Variants in FAT4 observed in about 807,000 individuals in gnomAD.
FAT4 encodes the protein FAT atypical cadherin 4.
A neutral mutation model predicts 303.9 loss-of-function variants in FAT4; 84 were observed. That is an observed-to-expected ratio of 0.28 (90% CI 0.23 to 0.33). The LOEUF is 0.33. Among genes scored for constraint, FAT4 ranks in the 10% least tolerant of loss-of-function variants. The pLI, the probability that FAT4 is intolerant of heterozygous loss-of-function variation, is 1.00. For synonymous variants in FAT4, 2,307 were observed against 2,298.8 expected (o/e 1.00, Z -0.10); for missense variants, 6,005 against 6,146.8 (o/e 0.98, Z 0.77).
chr4:125,335,985 T>A (rs1002164818), intron 2 of FAT4, among the ~76,000 whole-genome samples: 2 of 152,092 alleles, frequency 1.3e-5, no homozygotes, highest in African/African-American at 4.8e-5. Flanking sequence ...TTACTTCTTG[T>A]GTGGTCCAGA....
Position 125,316,526 on chromosome 4 carries a change from T to A in FAT4, c.115T>A (p.Trp39Arg). The A allele has an allele frequency of 6.2e-7, 1 of 1,613,948 alleles. No individual in the cohort carries two copies. The highest frequency in any genetic ancestry group is 8.5e-7 in the Non-Finnish European group (1 of 1,180,020). ...ACTGTCATTGCTTCCGGGGCAGGCC[T>A]GGGTCCACGGGGCCGAGCCGCGCCA... Reference protein sequence around the residue: ...WLLSLLPGQAWVHGAEPRQVF... With the variant: ...WLLSLLPGQARVHGAEPRQVF... The change falls in exon 2 of 18, where the codon TGG (tryptophan) becomes AGG (arginine). Residue 39 changes from tryptophan to arginine, a missense_variant. Trp to Arg is a moderately radical substitution (Grantham distance 101). Transcript: ENST00000394329. This position sits in a 1 kb window ranked among gnomAD's most constrained non-coding sequence, Gnocchi z 5.7.
At chr4:125,394,583 G>T (rs965317106) in intron 2 of FAT4, among the ~76,000 whole-genome samples, 6 of 152,096 alleles carry the variant, frequency 3.9e-5, no homozygotes, top group African/African-American at 1.4e-4. Flanking sequence ...GAAATAAAAG[G>T]GTTTTAAGAA....
At chr4:125,334,050 C>T (rs1287978770) in intron 2 of FAT4, among the ~76,000 whole-genome samples, 1 of 151,908 alleles carries the variant, frequency 6.6e-6, no homozygotes, top group Non-Finnish European at 1.5e-5. Flanking sequence ...ATGTGGCCCA[C>T]TCATATAACA....
intron 7 of FAT4, among the ~76,000 whole-genome samples, chr4:125,422,546 G>T (rs1724939032): frequency 6.6e-6 from 1 of 152,166 alleles, no homozygotes; most frequent in African/African-American, 2.4e-5. Context: ...CTGCCACCAT[G>T]TGAAGAAAGA....
intron 2 of FAT4, among the ~76,000 whole-genome samples, chr4:125,374,277 C>T (rs1319772063): frequency 6.6e-6 from 1 of 152,104 alleles, no homozygotes; most frequent in African/African-American, 2.4e-5. Context: ...AATGTAAATC[C>T]GTAATCACAT....
chr4:125,485,051 A>T (rs1727360910), intron 16 of FAT4, among the ~76,000 whole-genome samples: 1 of 152,058 alleles, frequency 6.6e-6, no homozygotes. Flanking sequence ...ATGAGGTTTC[A>T]CATGTTGCCT....
chr4:125,414,860 A>AT lies in FAT4; in HGVS notation c.5921-18dup, dbSNP rs535120107. 4.6e-4 allele frequency: 713 copies of AT among 1,537,726 alleles called. 4 individuals are homozygous for AT. The highest frequency in any genetic ancestry group is 2.3e-3 in the South Asian group (190 of 81,978). On this transcript the variant is annotated intron_variant, in intron 5 of 17. Coordinates refer to ENST00000394329, the MANE Select transcript of FAT4 (RefSeq NM_001291303.3). ...CTGCAATCAGCATATGTTTAAGAAA[A>AT]TTTTTTCTTCCCTTTAATTTCAGGC...
chr4:125,452,002 A>G lies in FAT4; in HGVS notation c.10992A>G (p.Pro3664=), dbSNP rs770014810. 9 of 1,613,978 alleles carry G rather than the reference A, an allele frequency of 5.6e-6. No homozygotes were observed. The Admixed American group carries it at 1.3e-4, about 24-fold the overall frequency. ...TSGVTSLFSI[P]GGTCDLNSQP... is the part of the protein sequence containing the mutation. ...GAGTTACCAGCCTCTTCAGTATTCCAGGGGGTACTTGTGATCTGAATTCCC... is the reference window on the plus strand; with the variant it reads ...GAGTTACCAGCCTCTTCAGTATTCCGGGGGGTACTTGTGATCTGAATTCCC... The change falls in exon 10 of 18, where the codon CCA becomes CCG. Residue 3664 remains proline, a synonymous_variant. Coordinates refer to ENST00000394329, the MANE Select transcript of FAT4 (RefSeq NM_001291303.3).
In FAT4 at chr4:125,317,964, A is replaced by G. The variant is rs1730710235; in HGVS notation, c.1553A>G (p.Asn518Ser). 6.2e-7 allele frequency: 1 copy of G among 1,614,098 alleles called. No individual in the cohort carries two copies. Among genetic ancestry groups the G allele is most frequent in the Non-Finnish European group, 8.5e-7 (1 of 1,180,022 alleles). ...ANLRYSIVSG[N>S]GLGWFHISEH... ...CTGCGTTACAGCATTGTCTCTGGCA[A>G]TGGACTGGGATGGTTCCATATCAGT... The change falls in exon 2 of 18, where the codon AAT becomes AGT. Residue 518 changes from asparagine (N) to serine (S), a missense_variant. Asn to Ser is a conservative substitution (Grantham distance 46). Coordinates refer to ENST00000394329, the MANE Select transcript of FAT4 (RefSeq NM_001291303.3). The surrounding 1 kb of genome is among the most constrained non-coding windows in gnomAD (Gnocchi z 7.0).
chr4:125,338,053 CA>C (rs1467411411), intron 2 of FAT4, among the ~76,000 whole-genome samples: 3 of 152,148 alleles, frequency 2.0e-5, no homozygotes, highest in Non-Finnish European at 4.4e-5. Context: ...TGTCATTCAT[CA>C]GACAAGATTG....
chr4:125,428,998 C>T (rs1013036553), intron 7 of FAT4, among the ~76,000 whole-genome samples: 7 of 152,286 alleles, frequency 4.6e-5, no homozygotes, highest in Non-Finnish European at 8.8e-5. Flanking sequence ...TGCCCTATTA[C>T]ACCACTACCT....
intron 2 of FAT4, among the ~76,000 whole-genome samples, chr4:125,376,443 C>T (rs1205326009): frequency 6.6e-6 from 1 of 151,984 alleles, no homozygotes; most frequent in Non-Finnish European, 1.5e-5. Context: ...TGACCGGGGC[C>T]TGTCGTGGGG....
chr4:125,449,546 C>T lies in FAT4; in HGVS notation c.8536C>T (p.Arg2846Ter). The T allele has an allele frequency of 6.2e-7, 1 of 1,613,320 alleles. No individual in the cohort carries two copies. The highest frequency in any genetic ancestry group is 8.5e-7 in the Non-Finnish European group (1 of 1,179,498). Residue 2846 changes from arginine to a stop codon, truncating the protein, a stop_gained, in exon 10 of 18, where the codon CGA (arginine) becomes TGA (stop). Transcript: ENST00000394329. LOFTEE classifies it high-confidence loss of function. Reference sequence around the variant, plus strand: ...GGAAGATACAGACCGTTACAGAATTCGAGTTTCCGCACATGATTCTGGGTG... The same window carrying T: ...GGAAGATACAGACCGTTACAGAATTTGAGTTTCCGCACATGATTCTGGGTG... The part of the protein sequence containing the change: ...NREDTDRYRI[R>*]VSAHDSGWTV...
At chr4:125,354,765 A>AAAC (rs1553962437) in intron 2 of FAT4, among the ~76,000 whole-genome samples, 1 of 151,496 alleles carries the variant, frequency 6.6e-6, no homozygotes, top group East Asian at 1.9e-4. Flanking sequence ...AAAAAAAAAA[A>AAAC]AAACTGGTTA....
In FAT4 at chr4:125,380,983, A is replaced by G. The variant is rs72675312; in HGVS notation, c.5176-17801A>G. Among the ~76,000 whole-genome samples the G allele has an allele frequency of 5.2e-3, 793 of 152,308 alleles. 4 individuals carry two copies. The highest frequency in any genetic ancestry group is 8.3e-3 in the Non-Finnish European group (564 of 68,014). ...CCTTATTTAGATATCATGAATTCAT[A>G]TTAGTACAGACTTCTGATTACCTAT... On this transcript the variant is annotated intron_variant, in intron 2 of 17. Transcript: ENST00000394329.
intron 17 of FAT4, 43 bp downstream of exon 17, chr4:125,487,649 G>T: frequency 1.3e-6 from 2 of 1,517,820 alleles, no homozygotes; most frequent in Non-Finnish European, 1.8e-6. Context: ...AAGTAAAATT[G>T]TTCTTCAAAA....
chr4:125,461,602 T>G (rs1277826445), intron 10 of FAT4, among the ~76,000 whole-genome samples: 2 of 152,038 alleles, frequency 1.3e-5, no homozygotes, highest in African/African-American at 2.4e-5. Context: ...ATGTTACTTT[T>G]AACACAACTC....
At chr4:125,354,783 TG>T (rs1211510748) in intron 2 of FAT4, among the ~76,000 whole-genome samples, 1 of 150,930 alleles carries the variant, frequency 6.6e-6, no homozygotes, top group African/African-American at 2.4e-5. Flanking sequence ...TTAGAACAGT[TG>T]GGTAAGAAGG....
In FAT4 at chr4:125,490,406, G is replaced by A. The variant is rs747634638; in HGVS notation, c.13590G>A (p.Gln4530=). The change falls in exon 18 of 18, where the codon CAG becomes CAA. Residue 4530 remains glutamine (Q), a synonymous_variant. Transcript: ENST00000394329. The part of the protein sequence containing the change: ...LLVLSLILCN[Q]CRGKKAKNPK... ...TCCTTAGCCTGATCCTGTGTAACCA[G>A]TGCAGGGGGAAGAAGGCCAAAAATC... 6.2e-7 allele frequency: 1 copy of A among 1,614,128 alleles called. No homozygotes were observed. Among genetic ancestry groups the A allele is most frequent in the East Asian group, 2.2e-5 (1 of 44,830 alleles).
Sources: gnomAD v4.1 joint callset for allele counts (sites outside exome capture counted in the v4.1 genomes callset) on GRCh38, gnomAD v4.1.1 for gene constraint, Gnocchi (gnomAD v3.1) non-coding constraint, MANE v1.5 for transcripts, NCBI Gene and HGNC (gene_info 2026-07-23, HGNC 2026-07-21) for gene names.